RBFOX1: variants seen among roughly 807,000 people sequenced by gnomAD.
RBFOX1 encodes the protein RNA binding protein fox-1 homolog 1.
RBFOX1 carries 8 observed loss-of-function variants against 57.7 expected under a neutral mutation model. The ratio of observed to expected loss-of-function variants is 0.14; its 90% CI spans 0.08 to 0.25. The LOEUF (loss-of-function observed/expected upper bound fraction) is 0.25. Among genes scored for constraint, RBFOX1 ranks in the 10% least tolerant of loss-of-function variants. The pLI, the probability that RBFOX1 is intolerant of heterozygous loss-of-function variation, is 1.00. For synonymous variants in RBFOX1, 326 were observed against 222.4 expected (o/e 1.47, Z -4.15); for missense variants, 611 against 548.5 (o/e 1.11, Z -1.14).
chr16:6,880,899 G>A (rs1294139961), intron 3 of RBFOX1, among the ~76,000 whole-genome samples: 1 of 152,216 alleles, frequency 6.6e-6, no homozygotes, highest in African/African-American at 2.4e-5. Context: ...ACTTGAAGCT[G>A]TTGAGCTTGA....
At chr16:6,933,956 A>C (rs1264026536) in intron 3 of RBFOX1, among the ~76,000 whole-genome samples, 1 of 152,206 alleles carries the variant, frequency 6.6e-6, no homozygotes, top group Non-Finnish European at 1.5e-5. Context: ...TGAAAAATCA[A>C]AGTACTTATC....
chr16:5,925,653 G>A (rs1056594484), intron 4 of RBFOX1, among the ~76,000 whole-genome samples: 4 of 151,828 alleles, frequency 2.6e-5, no homozygotes, highest in African/African-American at 9.7e-5. Context: ...TATGTTATGT[G>A]TATTTTACCA....
chr16:6,843,408 G>T (rs985224562), intron 3 of RBFOX1, among the ~76,000 whole-genome samples: 4 of 152,088 alleles, frequency 2.6e-5, no homozygotes, highest in African/African-American at 9.7e-5. Flanking sequence ...TAAAGCTTTG[G>T]CCAGACATGG....
intron 4 of RBFOX1, among the ~76,000 whole-genome samples, chr16:5,989,454 G>C (rs1015643791): frequency 3.3e-5 from 5 of 152,168 alleles, no homozygotes; most frequent in African/African-American, 1.2e-4. Context: ...TGTTGAATGT[G>C]TACTGTCACA....
In RBFOX1 at chr16:6,760,966, T is replaced by C. The variant is rs369864441; in HGVS notation, c.-16+106316T>C. ...TCGGACTGTAATGGAGAGATCTTCT[T>C]AGCTCTCTCCCTAAAAGTTGACTGA... On this transcript the variant is annotated intron_variant, in intron 3 of 15. Coordinates refer to ENST00000550418, the MANE Select transcript of RBFOX1 (RefSeq NM_018723.4). 3.9e-5 allele frequency among the ~76,000 whole-genome samples: 6 copies of C among 152,324 alleles called. No individual in the cohort carries two copies. The South Asian group carries it at 1.0e-3, about 26-fold the overall frequency.
chr16:7,660,920 A>G (rs1766842505), intron 12 of RBFOX1, among the ~76,000 whole-genome samples: 1 of 152,170 alleles, frequency 6.6e-6, no homozygotes, highest in African/African-American at 2.4e-5. Flanking sequence ...AGTTCAGACA[A>G]TACCCAACTC....
intron 3 of RBFOX1, among the ~76,000 whole-genome samples, chr16:6,951,274 C>T (rs534722746): frequency 2.6e-5 from 4 of 152,126 alleles, no homozygotes; most frequent in Admixed American, 2.0e-4. Flanking sequence ...AGTCACCCAT[C>T]TTCTGAGGGG....
chr16:5,722,909 G>T (rs987154900), intron 3 of RBFOX1, among the ~76,000 whole-genome samples: 5 of 152,030 alleles, frequency 3.3e-5, no homozygotes, highest in African/African-American at 4.8e-5. Flanking sequence ...TTCTTTTGTG[G>T]AAGTTCTCAC....
chr16:5,510,763 C>T (rs2043555340), intron 2 of RBFOX1, among the ~76,000 whole-genome samples: 1 of 152,102 alleles, frequency 6.6e-6, no homozygotes, highest in Admixed American at 6.6e-5. Context: ...ACACCTTGGG[C>T]CACATAATTC....
intron 3 of RBFOX1, among the ~76,000 whole-genome samples, chr16:5,705,490 T>C (rs1045425682): frequency 2.0e-4 from 30 of 152,192 alleles, no homozygotes; most frequent in African/African-American, 5.8e-4. Context: ...TTCAAACTCA[T>C]GGGCTCAAGC....
chr16:6,713,241 A>C (rs2064073938), intron 3 of RBFOX1, among the ~76,000 whole-genome samples: 1 of 146,688 alleles, frequency 6.8e-6, no homozygotes, highest in African/African-American at 2.6e-5. Context: ...TCTCACATGC[A>C]ACTCTGACCA....
intron 1 of RBFOX1, among the ~76,000 whole-genome samples, chr16:6,249,999 G>C (rs921562611): frequency 1.3e-5 from 2 of 152,008 alleles, no homozygotes; most frequent in African/African-American, 4.8e-5. Flanking sequence ...TGTAGGTGCG[G>C]TAGAAAGGCC....
intron 1 of RBFOX1, among the ~76,000 whole-genome samples, chr16:6,072,153 C>T (rs2095845358): frequency 6.6e-6 from 1 of 152,164 alleles, no homozygotes; most frequent in South Asian, 2.1e-4. Context: ...AGAGCTTGTT[C>T]AGGGGAACTG....
chr16:5,532,292 C>T (rs187549910), intron 2 of RBFOX1, among the ~76,000 whole-genome samples: 1 of 152,330 alleles, frequency 6.6e-6, no homozygotes, highest in Non-Finnish European at 1.5e-5. Flanking sequence ...CTTTGCCAAA[C>T]ATTTCTGGGG....
chr16:6,906,863 C>T (rs141989497), intron 3 of RBFOX1, among the ~76,000 whole-genome samples: 21 of 152,026 alleles, frequency 1.4e-4, no homozygotes, highest in African/African-American at 5.1e-4. Context: ...GCTGAGATTA[C>T]AGGCACCTGC....
intron 4 of RBFOX1, among the ~76,000 whole-genome samples, chr16:7,456,621 G>A (rs1258797064): frequency 6.6e-6 from 1 of 152,164 alleles, no homozygotes; most frequent in Non-Finnish European, 1.5e-5. Context: ...TTGTGGTTGG[G>A]AGAACACACC....
At chr16:5,301,367 A>G (rs1014060867) in intron 1 of RBFOX1, among the ~76,000 whole-genome samples, 6 of 152,028 alleles carry the variant, frequency 3.9e-5, no homozygotes, top group African/African-American at 1.4e-4. Flanking sequence ...TGCCTGTAAT[A>G]CCAGCCCTTT....
chr16:5,469,543 A>T (rs2069063005), intron 2 of RBFOX1, among the ~76,000 whole-genome samples: 1 of 152,188 alleles, frequency 6.6e-6, no homozygotes, highest in South Asian at 2.1e-4. Flanking sequence ...TAGGCGTTTT[A>T]CAGTGAGCAG....
In RBFOX1 at chr16:6,713,359, C is replaced by G. The variant is rs1017778566; in HGVS notation, c.-16+58709C>G. On this transcript the variant is annotated intron_variant, in intron 3 of 15. Coordinates refer to ENST00000550418, the MANE Select transcript of RBFOX1 (RefSeq NM_018723.4). ...TCTTGATGACCAAGTTAATGCCAAC[C>G]TCCACATCCCCATCTCTCACCAAAT... Among the ~76,000 whole-genome samples the G allele has an allele frequency of 2.6e-5, 4 of 152,214 alleles. No individual in the cohort carries two copies. The East Asian group carries it at 5.8e-4, about 22-fold the overall frequency.
Sources: gnomAD v4.1 joint callset for allele counts (sites outside exome capture counted in the v4.1 genomes callset) on GRCh38, gnomAD v4.1.1 for gene constraint, MANE v1.5 for transcripts, NCBI Gene and HGNC (gene_info 2026-07-23, HGNC 2026-07-21) for gene names.